GRIN2A: variants seen among roughly 807,000 people sequenced by gnomAD.
GRIN2A encodes the protein glutamate ionotropic receptor NMDA type subunit 2A, also known as glutamate receptor ionotropic, NMDA 2A.
Under a neutral mutation model 113.4 loss-of-function variants are expected in GRIN2A, and 22 were observed. That is an observed-to-expected ratio of 0.19 (90% CI 0.14 to 0.28). GRIN2A has a LOEUF of 0.28. GRIN2A is among the 10% of genes least tolerant of loss of function. The probability of loss-of-function intolerance (pLI) is 1.00; values close to 1 mark genes in which losing one functional copy is unlikely to be tolerated. For synonymous variants in GRIN2A, 827 were observed against 738.4 expected (o/e 1.12, Z -1.94); for missense variants, 1,502 against 1,887.0 (o/e 0.80, Z 3.78).
intron 2 of GRIN2A, among the ~76,000 whole-genome samples, chr16:10,089,999 A>T (rs966902880): frequency 6.6e-6 from 1 of 152,190 alleles, no homozygotes; most frequent in Non-Finnish European, 1.5e-5. Context: ...CCCAAGACAT[A>T]GATGATACCA....
intron 2 of GRIN2A, among the ~76,000 whole-genome samples, chr16:10,069,308 G>C (rs1464510676): frequency 6.6e-6 from 1 of 152,204 alleles, no homozygotes; most frequent in African/African-American, 2.4e-5. Context: ...ACTCTGGTGG[G>C]GATGAGAGAA....
At chr16:10,068,169 T>C (rs2047684292) in intron 2 of GRIN2A, among the ~76,000 whole-genome samples, 1 of 152,238 alleles carries the variant, frequency 6.6e-6, no homozygotes, top group South Asian at 2.1e-4. Flanking sequence ...CTCAGTTCTT[T>C]AACCAACATG....
intron 8 of GRIN2A, among the ~76,000 whole-genome samples, chr16:9,829,884 AGAAAG>A (rs1401437263): frequency 6.6e-6 from 1 of 152,206 alleles, no homozygotes; most frequent in African/African-American, 2.4e-5. Flanking sequence ...CTTTAAAAAA[AGAAAG>A]GAAACGAAAA....
chr16:10,064,113 G>T (rs1404378955), intron 2 of GRIN2A, among the ~76,000 whole-genome samples: 1 of 152,146 alleles, frequency 6.6e-6, no homozygotes, highest in Non-Finnish European at 1.5e-5. Context: ...ACCCATGGTA[G>T]GTTCTCAATC....
rs1001065858 is a variant in GRIN2A, at chr16:9,896,224, AT to A, written c.1008-5125del. ...GCCACCACTCCCGGCTAATTCTTAT[AT>A]TTTTAGTAGAGACAGGGTTGCACCA... On this transcript the variant is annotated intron_variant, in intron 3 of 12. Transcript: ENST00000330684. Among the ~76,000 whole-genome samples the A allele has an allele frequency of 3.8e-4, 58 of 152,178 alleles. 1 individual carries two copies. The highest frequency in any genetic ancestry group is 6.8e-3 in the Middle Eastern group (2 of 294).
Position 9,764,479 on chromosome 16 carries a change from C to A in GRIN2A, c.3065G>T (p.Arg1022Leu). Residue 1022 changes from arginine to leucine, a missense_variant, in exon 13 of 13, where the codon CGC becomes CTC. Physicochemically the swap from Arg to Leu is moderately radical, Grantham distance 102. This residue lies in a region of GRIN2A where 832 missense variants were observed against 789.7 expected (regional missense o/e 1.05). Transcript: ENST00000330684. ...QLWKKSVDSI[R>L]QDSLSQNPVS... The stretch of plus-strand genomic sequence containing the variant: ...TGGATTCTGGGATAGTGAATCCTGG[C>A]GTATGGAATCCACGGATTTCTTCCA... 1 of 1,614,054 alleles carries A rather than the reference C, an allele frequency of 6.2e-7. No individual in the cohort carries two copies. Among genetic ancestry groups the A allele is most frequent in the Non-Finnish European group, 8.5e-7 (1 of 1,180,014 alleles).
chr16:9,937,968 G>T lies in GRIN2A; in HGVS notation c.998C>A (p.Thr333Asn), dbSNP rs370306281. Reference sequence around the variant, plus strand: ...ACAAGCCCTTTCTTACGGGTGCAAGGTGTGCATCGGGACCTCTGGCCTCTC... The same window carrying T: ...ACAAGCCCTTTCTTACGGGTGCAAGTTGTGCATCGGGACCTCTGGCCTCTC... ...QMERPEVPMH[T>N]LHPFMVNVTW... The change falls in exon 3 of 13, where the codon ACC (threonine) becomes AAC (asparagine). Residue 333 changes from threonine to asparagine, a missense_variant. Thr to Asn is a moderately conservative substitution (Grantham distance 65). Transcript: ENST00000330684. 1.1e-5 allele frequency: 17 copies of T among 1,611,774 alleles called. No homozygotes were observed. The highest frequency in any genetic ancestry group is 1.3e-5 in the African/African-American group (1 of 74,884).
intron 4 of GRIN2A, among the ~76,000 whole-genome samples, chr16:9,881,155 T>G (rs1270464305): frequency 6.6e-6 from 1 of 152,172 alleles, no homozygotes; most frequent in East Asian, 1.9e-4. Context: ...TTGAGAAAAA[T>G]CTAGGTAACA....
At chr16:9,950,016 G>A (rs535848748) in intron 2 of GRIN2A, among the ~76,000 whole-genome samples, 4 of 152,126 alleles carry the variant, frequency 2.6e-5, no homozygotes, top group African/African-American at 9.7e-5. Context: ...TCTGAAGGCA[G>A]GAAAGTAATA....
At chr16:10,170,907 G>A (rs1335367793) in intron 2 of GRIN2A, among the ~76,000 whole-genome samples, 2 of 150,500 alleles carry the variant, frequency 1.3e-5, no homozygotes, top group Non-Finnish European at 3.0e-5. Context: ...AAATTGTGTT[G>A]TACACCTTTA....
intron 2 of GRIN2A, among the ~76,000 whole-genome samples, chr16:9,955,351 C>T (rs987035206): frequency 5.9e-5 from 9 of 152,182 alleles, no homozygotes; most frequent in Admixed American, 3.9e-4. Context: ...ACTGTTCTTA[C>T]CTTCTCTGTC....
intron 2 of GRIN2A, among the ~76,000 whole-genome samples, chr16:10,152,872 C>A (rs1466080067): frequency 6.6e-6 from 1 of 152,144 alleles, no homozygotes; most frequent in Non-Finnish European, 1.5e-5. Context: ...AACTATATGA[C>A]ATTCTGGAAA....
In GRIN2A at chr16:9,764,874, G is replaced by T. The variant is rs764394577; in HGVS notation, c.2670C>A (p.Ser890=). 1 of 1,614,112 alleles carries T rather than the reference G, an allele frequency of 6.2e-7. No individual in the cohort carries two copies. The highest frequency in any genetic ancestry group is 8.5e-7 in the Non-Finnish European group (1 of 1,180,008). The change falls in exon 13 of 13, where the codon TCC becomes TCA. Residue 890 remains serine (S), a synonymous_variant. Transcript: ENST00000330684. The part of the protein sequence containing the change: ...KKSPDFNLTG[S]QSNMLKLLRS... The stretch of plus-strand genomic sequence containing the variant: ...GGAGGAGTTTTAACATGTTGCTCTG[G>T]GATCCCGTCAGATTGAAGTCTGGAG...
chr16:9,821,044 G>A (rs767416050), intron 10 of GRIN2A, among the ~76,000 whole-genome samples: 4 of 151,960 alleles, frequency 2.6e-5, no homozygotes, highest in Non-Finnish European at 5.9e-5. Context: ...CAGAAATCTG[G>A]GCTTTGATGC....
At chr16:10,181,099 C>T (rs1157335235) in intron 1 of GRIN2A, among the ~76,000 whole-genome samples, 1 of 150,702 alleles carries the variant, frequency 6.6e-6, no homozygotes, top group Non-Finnish European at 1.5e-5. Flanking sequence ...CTGGTGGGCC[C>T]AGGCTCCGCT....
intron 2 of GRIN2A, among the ~76,000 whole-genome samples, chr16:10,167,998 A>G (rs1403799960): frequency 1.3e-5 from 2 of 152,230 alleles, no homozygotes; most frequent in African/African-American, 4.8e-5. Context: ...TCTTTAGAAT[A>G]CAAACATATT....
At chr16:9,814,048 T>C (rs1051359414) in intron 10 of GRIN2A, among the ~76,000 whole-genome samples, 12 of 152,168 alleles carry the variant, frequency 7.9e-5, no homozygotes, top group Non-Finnish European at 1.6e-4. Flanking sequence ...ACCCTTATAC[T>C]CTCCTGGTTT....
intron 2 of GRIN2A, among the ~76,000 whole-genome samples, chr16:10,003,304 T>C (rs990724980): frequency 6.6e-6 from 1 of 152,126 alleles, no homozygotes; most frequent in Non-Finnish European, 1.5e-5. Flanking sequence ...GAAAAACCCA[T>C]GTGGAAAGTG....
intron 2 of GRIN2A, among the ~76,000 whole-genome samples, chr16:10,038,464 T>C (rs941670514): frequency 5.3e-5 from 8 of 151,980 alleles, no homozygotes; most frequent in Non-Finnish European, 8.8e-5. Context: ...GCACACACTG[T>C]AGGTTATTTA....
Sources: allele counts gnomAD v4.1 joint callset (sites outside exome capture counted in the v4.1 genomes callset), GRCh38; gene constraint gnomAD v4.1.1; regional missense constraint gnomAD v4.1.1; transcripts MANE v1.5; gene names NCBI Gene and HGNC (gene_info 2026-07-23, HGNC 2026-07-21).